Variants in SEM1 observed in about 807,000 individuals in gnomAD.
The protein encoded by SEM1 is 26S proteasome complex subunit SEM1.
A neutral mutation model predicts 12.7 loss-of-function variants in SEM1; 3 were observed. That is an observed-to-expected ratio of 0.24 (90% CI 0.11 to 0.61). SEM1 has a LOEUF of 0.61. Ranked by LOEUF, SEM1 falls within the 20% of genes least tolerant of loss-of-function variation. The probability of loss-of-function intolerance (pLI) is 0.88; values close to 1 mark genes in which losing one functional copy is unlikely to be tolerated. For missense variants in SEM1, 59 were observed against 81.3 expected (o/e 0.73, Z 1.06); for synonymous variants, 30 against 27.8 (o/e 1.08, Z -0.25).
chr7:96,554,832 C>G (rs188746201), intron 2 of SEM1, among the ~76,000 whole-genome samples: 155 of 151,314 alleles, frequency 1.0e-3, no homozygotes, highest in African/African-American at 3.6e-3. Flanking sequence ...GTCCTAGACT[C>G]TTTTTGGTTG....
chr7:96,699,460 C>T (rs1157452598), intron 1 of SEM1, among the ~76,000 whole-genome samples: 3 of 152,142 alleles, frequency 2.0e-5, no homozygotes, highest in African/African-American at 7.2e-5. Flanking sequence ...TTTTAAAAAC[C>T]ACTTCTCATC....
intron 2 of SEM1, among the ~76,000 whole-genome samples, chr7:96,584,327 C>G (rs144426171): frequency 0.013 from 1,993 of 152,262 alleles, 39 homozygotes; most frequent in African/African-American, 0.046. Flanking sequence ...AAGTTTCTGT[C>G]GAGAGATCTG....
intron 2 of SEM1, among the ~76,000 whole-genome samples, chr7:96,530,087 G>A (rs1234864027): frequency 2.0e-5 from 3 of 151,998 alleles, no homozygotes; most frequent in East Asian, 1.9e-4. Flanking sequence ...TGTGGCTCCC[G>A]TTCGTGTTAC....
chr7:96,554,646 T>C (rs1431395016), intron 2 of SEM1, among the ~76,000 whole-genome samples: 1 of 151,772 alleles, frequency 6.6e-6, no homozygotes, highest in Non-Finnish European at 1.5e-5. Context: ...AGGATATTGG[T>C]CTAACATTCT....
At chr7:96,522,168 G>C (rs771017228) in intron 2 of SEM1, among the ~76,000 whole-genome samples, 15 of 152,042 alleles carry the variant, frequency 9.9e-5, no homozygotes, top group African/African-American at 3.6e-4. Flanking sequence ...CATACATCAC[G>C]TGTAGTTCCT....
exon 4 of SEM1, chr7:96,481,944 G>A (rs1045748666): frequency 1.3e-5 from 2 of 152,126 alleles, no homozygotes; most frequent in Non-Finnish European, 2.9e-5. Context: ...TAATTGAGTA[G>A]CATGGGAACC....
chr7:96,631,062 G>A (rs904877367), intron 2 of SEM1, among the ~76,000 whole-genome samples: 1 of 151,774 alleles, frequency 6.6e-6, no homozygotes, highest in African/African-American at 2.4e-5. Context: ...GGAGGGAAAG[G>A]GTCTCTTTTG....
rs149893513 is a variant in SEM1, at chr7:96,530,223, G to T, written c.171-23525C>A. On this transcript the variant is annotated intron_variant and NMD_transcript_variant, in intron 2 of 3. Transcript: ENST00000466986. The stretch of plus-strand genomic sequence containing the variant: ...ACTGGGTGGGTGGCAATTGACAGCT[G>T]GTGGTGGCAGGGAAGCAGGAGAGAG... Among the ~76,000 whole-genome samples, 98 of 152,180 alleles carry T rather than the reference G, an allele frequency of 6.4e-4. 1 individual carries two copies. Among genetic ancestry groups the T allele is most frequent in the African/African-American group, 2.1e-3 (89 of 41,550 alleles).
chr7:96,579,417 A>G (rs1355003806), intron 2 of SEM1, among the ~76,000 whole-genome samples: 1 of 152,232 alleles, frequency 6.6e-6, no homozygotes, highest in African/African-American at 2.4e-5. Flanking sequence ...TTTGTAAAAC[A>G]CATACATTTC....
intron 2 of SEM1, among the ~76,000 whole-genome samples, chr7:96,576,952 T>G (rs1050993638): frequency 5.3e-5 from 8 of 152,088 alleles, no homozygotes; most frequent in Non-Finnish European, 1.0e-4. Context: ...ACCCCGTTTC[T>G]ACTAAAAATA....
intron 2 of SEM1, among the ~76,000 whole-genome samples, chr7:96,625,569 T>C (rs1808035738): frequency 6.6e-6 from 1 of 152,192 alleles, no homozygotes; most frequent in Non-Finnish European, 1.5e-5. Context: ...ATAATAAGTC[T>C]CAAAGTTTAG....
intron 1 of SEM1, among the ~76,000 whole-genome samples, chr7:96,703,716 A>G (rs1482494654): frequency 1.3e-5 from 2 of 151,802 alleles, no homozygotes; most frequent in African/African-American, 4.8e-5. Flanking sequence ...GGGAAGACTG[A>G]TGGGAAGACT....
At chr7:96,568,303 A>G (rs763174672) in intron 2 of SEM1, among the ~76,000 whole-genome samples, 5 of 151,842 alleles carry the variant, frequency 3.3e-5, no homozygotes, top group Non-Finnish European at 5.9e-5. Flanking sequence ...AAATATCTGC[A>G]CTAAGGTTCT....
At chr7:96,510,329 T>C (rs541289020) in intron 2 of SEM1, among the ~76,000 whole-genome samples, 1 of 152,268 alleles carries the variant, frequency 6.6e-6, no homozygotes, top group Middle Eastern at 3.4e-3. Context: ...CAAACCTAGA[T>C]GGAATAACCT....
rs149581685 is a variant in SEM1, at chr7:96,527,818, A to C, written c.171-21120T>G. Among the ~76,000 whole-genome samples, 336 of 152,246 alleles carry C rather than the reference A, an allele frequency of 2.2e-3. 2 individuals carry two copies. Among genetic ancestry groups the C allele is most frequent in the African/African-American group, 7.7e-3 (319 of 41,574 alleles). On this transcript the variant is annotated intron_variant and NMD_transcript_variant, in intron 2 of 3. Coordinates refer to the SEM1 transcript ENST00000466986. ...TTTCTCTCCTGAGTGCCATTCTTAG[A>C]AAGCAAACCTCATTTGTTCTAAATT...
intron 2 of SEM1, among the ~76,000 whole-genome samples, chr7:96,598,367 A>T (rs1002143407): frequency 7.9e-5 from 12 of 151,838 alleles, no homozygotes; most frequent in Non-Finnish European, 1.5e-4. Context: ...TATTTTTTTT[A>T]AATATTGTAT....
chr7:96,704,000 CACACACACACAT>C (rs900903458), intron 1 of SEM1, among the ~76,000 whole-genome samples: 1 of 148,174 alleles, frequency 6.7e-6, no homozygotes, highest in African/African-American at 2.5e-5. Context: ...CACACACACA[CACACACACACAT>C]ACATAAAAGA....
At chr7:96,589,991 A>G (rs1007056143) in intron 2 of SEM1, among the ~76,000 whole-genome samples, 1 of 152,166 alleles carries the variant, frequency 6.6e-6, no homozygotes, top group Non-Finnish European at 1.5e-5. Context: ...GAAAATTTAT[A>G]TTTTACTAGA....
At chr7:96,571,714 T>A (rs1437006815) in intron 2 of SEM1, among the ~76,000 whole-genome samples, 2 of 152,076 alleles carry the variant, frequency 1.3e-5, no homozygotes, top group Non-Finnish European at 2.9e-5. Flanking sequence ...TATTGAGGAT[T>A]TTCAAATCAA....
Sources: allele counts gnomAD v4.1 joint callset (sites outside exome capture counted in the v4.1 genomes callset), GRCh38; gene constraint gnomAD v4.1.1; transcripts MANE v1.5; gene names NCBI Gene and HGNC (gene_info 2026-07-23, HGNC 2026-07-21).